Variants in MAP3K3 observed in about 807,000 individuals in gnomAD.
MAP3K3 encodes the protein mitogen-activated protein kinase kinase kinase 3, also known as MAP/ERK kinase kinase 3.
MAP3K3 carries 12 observed loss-of-function variants against 80.9 expected under a neutral mutation model. The observed-to-expected ratio is 0.15, with a 90% CI of 0.10 to 0.24. MAP3K3 has a LOEUF of 0.24. MAP3K3 is among the 10% of genes least tolerant of loss of function. The pLI, the probability that MAP3K3 is intolerant of heterozygous loss-of-function variation, is 1.00. For synonymous variants in MAP3K3, 272 were observed against 307.1 expected, an observed-to-expected ratio of 0.89 and a Z score of 1.19; for missense variants, 596 against 834.7, an observed-to-expected ratio of 0.71 and a Z score of 3.52.
intron 1 of MAP3K3, among the ~76,000 whole-genome samples, chr17:63,626,755 C>G (rs2034110741): frequency 6.6e-6 from 1 of 152,206 alleles, no homozygotes; most frequent in South Asian, 2.1e-4. Flanking sequence ...AAATCTGACT[C>G]AGGGACACTG....
chr17:63,675,347 G>C (rs1174359424), intron 6 of MAP3K3, among the ~76,000 whole-genome samples: 1 of 152,200 alleles, frequency 6.6e-6, no homozygotes, highest in Admixed American at 6.5e-5. Flanking sequence ...GGCCAAAAAA[G>C]CTATCTCTTT....
intron 2 of MAP3K3, among the ~76,000 whole-genome samples, chr17:63,639,655 A>G (rs981538545): frequency 1.3e-5 from 2 of 152,146 alleles, no homozygotes; most frequent in African/African-American, 2.4e-5. Context: ...TGCATTTGCT[A>G]CATACCTTTG....
At chr17:63,677,866 T>C (rs578084138) in intron 6 of MAP3K3, among the ~76,000 whole-genome samples, 1 of 152,284 alleles carries the variant, frequency 6.6e-6, no homozygotes, top group South Asian at 2.1e-4. Flanking sequence ...GGCACTGTGC[T>C]TCCCCTGTGC....
At position 63,692,131 on chromosome 17, in the gene MAP3K3, T is replaced by C. The variant is rs1284258016; in HGVS notation, c.1475-111T>C. 4.3e-5 allele frequency: 54 copies of C among 1,269,712 alleles called. 1 individual carries two copies. In the South Asian group the frequency reaches 6.3e-4, roughly 15 times the overall value. The allele number at this position is 1,269,712 out of a possible 1,614,324, so 78.7% of individuals were successfully genotyped here. On this transcript the variant is annotated intron_variant, in intron 14 of 15. Transcript: ENST00000361733. The surrounding 1 kb of genome is among the most constrained non-coding windows in gnomAD (Gnocchi z 4.5). Reference sequence around the variant, plus strand: ...TTTGCCCTTTGCAGTTCATGTCTAATTCAGTGGTAGCCCTGCCCTCTCCAG... The same window carrying C: ...TTTGCCCTTTGCAGTTCATGTCTAACTCAGTGGTAGCCCTGCCCTCTCCAG...
At chr17:63,626,198 G>A (rs529624807) in intron 1 of MAP3K3, among the ~76,000 whole-genome samples, 1 of 152,320 alleles carries the variant, frequency 6.6e-6, no homozygotes, top group South Asian at 2.1e-4. Flanking sequence ...CTGGTTCTAT[G>A]GAAGCTGTTA....
intron 2 of MAP3K3, among the ~76,000 whole-genome samples, chr17:63,633,866 C>G (rs1158952459): frequency 6.6e-6 from 1 of 152,204 alleles, no homozygotes; most frequent in Non-Finnish European, 1.5e-5. Flanking sequence ...CTCCTTTCTT[C>G]TCATTTGCAC....
intron 7 of MAP3K3, among the ~76,000 whole-genome samples, chr17:63,683,804 A>G (rs1190862607): frequency 2.6e-5 from 4 of 152,284 alleles, no homozygotes; most frequent in East Asian, 3.9e-4. Flanking sequence ...TCTATTTACT[A>G]ATTTTTAGAA....
intron 1 of MAP3K3, among the ~76,000 whole-genome samples, chr17:63,624,222 C>T (rs1047419020): frequency 4.6e-5 from 7 of 152,124 alleles, no homozygotes; most frequent in African/African-American, 1.7e-4. Context: ...TTCTTGTCTA[C>T]CCCAGGATTC....
chr17:63,648,507 T>C (rs1043487002), intron 3 of MAP3K3, among the ~76,000 whole-genome samples: 1 of 152,124 alleles, frequency 6.6e-6, no homozygotes, highest in South Asian at 2.1e-4. Context: ...CTTGGGACAG[T>C]TGATTTGGAA....
Position 63,690,406 on chromosome 17 carries a change from A to G in MAP3K3, c.1206A>G (p.Thr402=). Reference sequence around the variant, plus strand: ...AATTTGATCCAGACAGTCCTGAGACAAGCAAGGTACACTTAACCCGTGGTC... The same window carrying G: ...AATTTGATCCAGACAGTCCTGAGACGAGCAAGGTACACTTAACCCGTGGTC... ...QVQFDPDSPE[T]SKEVSALECE... Residue 402 remains threonine (T), a synonymous_variant, in exon 12 of 16, where the codon ACA becomes ACG. Coordinates refer to ENST00000361733, the MANE Select transcript of MAP3K3 (RefSeq NM_002401.5). 2 of 1,613,666 alleles carry G rather than the reference A, an allele frequency of 1.2e-6. No individual in the cohort carries two copies. The highest frequency in any genetic ancestry group is 2.2e-5 in the East Asian group (1 of 44,864).
chr17:63,636,392 T>C (rs1422718779), intron 2 of MAP3K3, among the ~76,000 whole-genome samples: 1 of 152,118 alleles, frequency 6.6e-6, no homozygotes, highest in African/African-American at 2.4e-5. Flanking sequence ...GTATATTGGG[T>C]CTCTGGAAGC....
chr17:63,681,030 A>G (rs964490145), intron 6 of MAP3K3, among the ~76,000 whole-genome samples: 18 of 152,126 alleles, frequency 1.2e-4, no homozygotes, highest in Middle Eastern at 3.4e-3. Flanking sequence ...AATGTGTAAC[A>G]AAAAGTAAAG....
At chr17:63,668,049 A>G (rs1481045358) in intron 6 of MAP3K3, 1 of 151,314 alleles carries the variant, frequency 6.6e-6, no homozygotes, top group East Asian at 1.9e-4. Context: ...TCAAAAGGGA[A>G]ATCTGGTCTT....
intron 2 of MAP3K3, among the ~76,000 whole-genome samples, chr17:63,640,112 A>G (rs1035650845): frequency 1.3e-5 from 2 of 152,170 alleles, no homozygotes; most frequent in African/African-American, 4.8e-5. Flanking sequence ...AGCAGTACCA[A>G]TGTTAGAAAT....
intron 3 of MAP3K3, among the ~76,000 whole-genome samples, chr17:63,649,761 A>G (rs1033919781): frequency 1.3e-5 from 2 of 152,244 alleles, no homozygotes; most frequent in African/African-American, 4.8e-5. Context: ...TATGTGGCTA[A>G]TGGCTGCCAT....
rs8070650 is a variant in MAP3K3 at position 63,666,680 on chromosome 17, A to G, written c.382-260A>G. Among the ~76,000 whole-genome samples the G allele has an allele frequency of 0.28, 42,728 of 152,084 alleles. 6,425 individuals are homozygous for G. The highest frequency in any genetic ancestry group is 0.37 in the Middle Eastern group (109 of 294). On this transcript the variant is annotated intron_variant, in intron 5 of 15. Coordinates refer to ENST00000361733, the MANE Select transcript of MAP3K3 (RefSeq NM_002401.5). ...TTACAGGAATGCCTGTTATTCCTCC[A>G]TGTCTGGATCATCACCTGTTAAACT... is the stretch of plus-strand genomic sequence containing the variant.
chr17:63,646,857 C>T (rs923585570), intron 3 of MAP3K3, among the ~76,000 whole-genome samples: 4 of 152,114 alleles, frequency 2.6e-5, no homozygotes, highest in East Asian at 1.9e-4. Flanking sequence ...TGTGCATGTG[C>T]GGCACATGTA....
At chr17:63,667,252 A>G (rs1401097253) in intron 6 of MAP3K3, among the ~76,000 whole-genome samples, 192 bp downstream of exon 6, 1 of 152,202 alleles carries the variant, frequency 6.6e-6, no homozygotes, top group African/African-American at 2.4e-5. Context: ...CCTGACTCTC[A>G]AGGAACTTAA....
At chr17:63,687,130 C>G (rs1403638830) in intron 8 of MAP3K3, among the ~76,000 whole-genome samples, 1 of 151,678 alleles carries the variant, frequency 6.6e-6, no homozygotes, top group Non-Finnish European at 1.5e-5. Context: ...CTTTGGGAAG[C>G]TGAGGCACGC....
Sources: gnomAD v4.1 joint callset for allele counts (sites outside exome capture counted in the v4.1 genomes callset) on GRCh38, gnomAD v4.1.1 for gene constraint, Gnocchi (gnomAD v3.1) non-coding constraint, MANE v1.5 for transcripts, NCBI Gene and HGNC (gene_info 2026-07-23, HGNC 2026-07-21) for gene names.